The following TCERG1 variants were observed in gnomAD, a reference collection of about 807,000 sequenced individuals.
TCERG1 encodes the protein transcription elongation regulator 1, also known as TATA box binding protein (TBP)-associated factor, RNA polymerase II, S, 150kD.
A neutral mutation model predicts 144.7 loss-of-function variants in TCERG1; 37 were observed. The ratio of observed to expected loss-of-function variants is 0.26; its 90% CI spans 0.20 to 0.34. The LOEUF is 0.34. Ranked by LOEUF, TCERG1 falls within the 10% of genes least tolerant of loss-of-function variation. TCERG1 has a pLI of 1.00. For synonymous variants in TCERG1, 492 were observed against 458.2 expected (o/e 1.07, Z -0.94); for missense variants, 1,027 against 1,380.7 (o/e 0.74, Z 4.06).
chr5:146,478,189 A>G (rs1765026937), intron 9 of TCERG1, among the ~76,000 whole-genome samples: 2 of 152,182 alleles, frequency 1.3e-5, no homozygotes, highest in South Asian at 4.1e-4. Context: ...TCTTTCTGAT[A>G]GTTTAAAATT....
chr5:146,507,568 T>C lies in TCERG1; in HGVS notation c.2962-305T>C. On this transcript the variant is annotated intron_variant, in intron 20 of 22. Coordinates refer to ENST00000679501, the MANE Select transcript of TCERG1 (RefSeq NM_001382548.1). This position sits in a 1 kb window ranked among gnomAD's most constrained non-coding sequence, Gnocchi z 4.6. ...CTTTGTTATCCAGGTTTTGTTCCTT[T>C]TTATTTGCTCTCTTTTTGGTGATGG... 1 of 328,014 alleles carries C rather than the reference T, an allele frequency of 3.0e-6. No homozygotes were observed. 20.3% of individuals were successfully genotyped at this position (328,014 alleles called of 1,614,324 possible). A position where few individuals can be genotyped will look rare whatever the true frequency, so the allele number is the denominator to read the frequency against.
At chr5:146,452,108 A>G (rs879257821) in intron 1 of TCERG1, among the ~76,000 whole-genome samples, 61 of 152,046 alleles carry the variant, frequency 4.0e-4, no homozygotes, top group Non-Finnish European at 7.8e-4. Flanking sequence ...CTTTATTAGG[A>G]TTTTTTTGGT....
chr5:146,462,273 A>G (rs1763401076), intron 4 of TCERG1, among the ~76,000 whole-genome samples: 1 of 152,212 alleles, frequency 6.6e-6, no homozygotes, highest in African/African-American at 2.4e-5. Context: ...AGATTGGGAA[A>G]GCACTGTTTT....
At chr5:146,463,933 C>T in intron 5 of TCERG1, 140 bp downstream of exon 5, 11 of 1,197,760 alleles carry the variant, frequency 9.2e-6, no homozygotes, top group Non-Finnish European at 1.3e-5. Flanking sequence ...TGGCTAACTG[C>T]AATATTTTCT....
chr5:146,463,753 G>C lies in TCERG1; in HGVS notation c.1095G>C (p.Pro365=), dbSNP rs753385190. The change falls in exon 5 of 23, where the codon CCG becomes CCC. Residue 365 remains proline (P), a synonymous_variant. Transcript: ENST00000679501. ...CTTTTCCACCAGTAATGGTACCTCC[G>C]TTTCGTGTTCCCCTTCCTGGCATGC... ...IPAFPPVMVP[P]FRVPLPGMPI... The C allele has an allele frequency of 1.2e-6, 2 of 1,614,092 alleles. No homozygotes were observed. The highest frequency in any genetic ancestry group is 3.3e-5 in the Admixed American group (2 of 60,016).
At chr5:146,459,435 C>A in intron 4 of TCERG1, 98 bp downstream of exon 4, 1 of 1,498,684 alleles carries the variant, frequency 6.7e-7, no homozygotes, top group Non-Finnish European at 8.9e-7. Flanking sequence ...TGGTATTATC[C>A]TTTAATACCA....
rs200378396 is a variant in TCERG1, at chr5:146,463,697, T to C, written c.1039T>C (p.Ser347Pro). ...GACGTTACCTCCTGCTGTTCCTCAT[T>C]CAGTACCTCAGCCAACAACAGCAAT... ...PQTLPPAVPH[S>P]VPQPTTAIPA... The change falls in exon 5 of 23, where the codon TCA becomes CCA. Residue 347 changes from serine to proline, a missense_variant. Ser to Pro is a moderately conservative substitution (Grantham distance 74). Coordinates refer to ENST00000679501, the MANE Select transcript of TCERG1 (RefSeq NM_001382548.1). 4.8e-5 allele frequency: 77 copies of C among 1,614,144 alleles called. No homozygotes were observed. The Admixed American group carries it at 9.2e-4, about 19-fold the overall frequency.
Position 146,469,689 on chromosome 5 carries a change from T to C in TCERG1, c.1344T>C (p.Tyr448=), listed in dbSNP as rs761070448. Residue 448 remains tyrosine (Y), a synonymous_variant, in exon 7 of 23, where the codon TAT becomes TAC. Transcript: ENST00000679501. ...YKTADGKTYY[Y]NNRTLESTWE... is the part of the protein sequence containing the mutation. ...CAGCAGATGGGAAGACATATTATTA[T>C]AATAATAGAACATTAGAATCAACCT... is the stretch of plus-strand genomic sequence containing the variant. The C allele has an allele frequency of 6.2e-7, 1 of 1,612,532 alleles. No individual in the cohort carries two copies. Among genetic ancestry groups the C allele is most frequent in the Non-Finnish European group, 8.5e-7 (1 of 1,179,180 alleles).
At chr5:146,505,079 C>A in intron 19 of TCERG1, among the ~76,000 whole-genome samples, 1 of 133,654 alleles carries the variant, frequency 7.5e-6, no homozygotes, top group African/African-American at 2.9e-5. Context: ...TAATGATAGC[C>A]AATGAGCTAA....
In TCERG1 at chr5:146,494,758, C is replaced by T. The variant is rs192709956; in HGVS notation, c.2282+1720C>T. On this transcript the variant is annotated intron_variant, in intron 16 of 22. Transcript: ENST00000679501. ...TATAGAGCACCAGAGTTTGTTCCAA[C>T]GGGAAAGAAAGGGGGAAATTACTGA... Among the ~76,000 whole-genome samples, 164 of 151,960 alleles carry T rather than the reference C, an allele frequency of 1.1e-3. 1 individual carries two copies. Among genetic ancestry groups the T allele is most frequent in the Non-Finnish European group, 3.1e-4 (21 of 67,936 alleles).
chr5:146,464,097 A>G (rs1223670275), intron 5 of TCERG1, among the ~76,000 whole-genome samples: 1 of 152,196 alleles, frequency 6.6e-6, no homozygotes, highest in Non-Finnish European at 1.5e-5. Context: ...AATATTTTTG[A>G]AGGGTTGAGT....
intron 8 of TCERG1, 67 bp from the exon 9 acceptor site, chr5:146,471,421 C>A: frequency 7.0e-7 from 1 of 1,433,826 alleles, no homozygotes; most frequent in Non-Finnish European, 9.5e-7. Context: ...TGTTTGCCTT[C>A]ATGTTTTTGT....
intron 2 of TCERG1, among the ~76,000 whole-genome samples, chr5:146,456,284 T>C (rs1348978451): frequency 6.6e-6 from 1 of 152,260 alleles, no homozygotes. Flanking sequence ...TTTTAACTTA[T>C]TCTGGTATAA....
rs201361842 is a variant in TCERG1 at position 146,458,639 on chromosome 5, A to AT, written c.439-238dup. The stretch of plus-strand genomic sequence containing the variant: ...AGATGCCGGCCACCACACCTGGCTA[A>AT]TTTTTTTATATTTTTAGTAGAGATG... On this transcript the variant is annotated intron_variant, in intron 3 of 22. Coordinates refer to ENST00000679501, the MANE Select transcript of TCERG1 (RefSeq NM_001382548.1). Among the ~76,000 whole-genome samples the AT allele has an allele frequency of 4.8e-4, 72 of 151,416 alleles. No individual in the cohort carries two copies. In the East Asian group the frequency reaches 0.012, roughly 24 times the overall value.
chr5:146,467,369 T>C (rs1303209107), intron 5 of TCERG1, among the ~76,000 whole-genome samples: 1 of 152,072 alleles, frequency 6.6e-6, no homozygotes, highest in African/African-American at 2.4e-5. Flanking sequence ...CTGAAAAAAA[T>C]AAAAAAGTAA....
In TCERG1 at chr5:146,509,127, T is replaced by A; in HGVS notation, c.3046-18T>A. 6.7e-7 allele frequency: 1 copy of A among 1,497,426 alleles called. No individual in the cohort carries two copies. The allele number at this position is 1,497,426 out of a possible 1,614,324, so 92.8% of individuals were successfully genotyped here. ...GGTTTTATTTCCATAATCTCAACTTTTTTTTTTTTATTAACAGAAAAAACA... is the reference window on the plus strand; with the variant it reads ...GGTTTTATTTCCATAATCTCAACTTATTTTTTTTTATTAACAGAAAAAACA... On this transcript the variant is annotated intron_variant, in intron 21 of 22. Transcript: ENST00000679501.
rs1768158041 is a variant in TCERG1 at position 146,507,985 on chromosome 5, G to C, written c.3045+29G>C. On this transcript the variant is annotated intron_variant, in intron 21 of 22. Transcript: ENST00000679501. The surrounding 1 kb of genome is among the most constrained non-coding windows in gnomAD (Gnocchi z 4.6). ...AGAGGATTTTGTGTCGAGATTTACT[G>C]TCAGTCTATAAATACTTAAATCGGG... The C allele has an allele frequency of 1.3e-6, 2 of 1,543,368 alleles. No individual in the cohort carries two copies. Among genetic ancestry groups the C allele is most frequent in the Middle Eastern group, 1.7e-4 (1 of 5,930 alleles).
rs923802011 is a variant in TCERG1, at chr5:146,507,819, C to G, written c.2962-54C>G. The G allele has an allele frequency of 7.8e-7, 1 of 1,280,338 alleles. No homozygotes were observed. The highest frequency in any genetic ancestry group is 1.1e-6 in the Non-Finnish European group (1 of 901,714). 79.3% of individuals were successfully genotyped at this position (1,280,338 alleles called of 1,614,324 possible). ...TATGTACCTATGTGCTGCAGTTTGA[C>G]TCCCTAAGTAAAAGTGAGTTGTATT... On this transcript the variant is annotated intron_variant, in intron 20 of 22. Coordinates refer to ENST00000679501, the MANE Select transcript of TCERG1 (RefSeq NM_001382548.1). This position sits in a 1 kb window ranked among gnomAD's most constrained non-coding sequence, Gnocchi z 4.6.
Position 146,471,508 on chromosome 5 carries a change from G to A in TCERG1, c.1533G>A (p.Met511Ile). ...EIKEEPKEEEMTEEEKAAQKA... is the reference protein window; with the variant it reads ...EIKEEPKEEEITEEEKAAQKA... ...TGTAGGAGCCCAAAGAAGAGGAGAT[G>A]ACTGAAGAAGAAAAGGCTGCCCAGA... The change falls in exon 9 of 23, where the codon ATG becomes ATA. Residue 511 changes from methionine to isoleucine, a missense_variant. Around this residue, in one of 6 missense-constraint regions of TCERG1, gnomAD observed 482 missense variants for 632.6 expected, o/e 0.76. Transcript: ENST00000679501. The A allele has an allele frequency of 6.2e-7, 1 of 1,613,564 alleles. No homozygotes were observed. The highest frequency in any genetic ancestry group is 8.5e-7 in the Non-Finnish European group (1 of 1,179,738).
Sources: gnomAD v4.1 joint callset for allele counts (sites outside exome capture counted in the v4.1 genomes callset) on GRCh38, gnomAD v4.1.1 for gene constraint, gnomAD v4.1.1 regional missense constraint, Gnocchi (gnomAD v3.1) non-coding constraint, MANE v1.5 for transcripts, NCBI Gene and HGNC (gene_info 2026-07-23, HGNC 2026-07-21) for gene names.